Variants in DEPDC7 observed in about 807,000 individuals in gnomAD.
DEPDC7 encodes the protein DEP domain-containing protein 7.
A neutral mutation model predicts 56.6 loss-of-function variants in DEPDC7; 41 were observed. The ratio of observed to expected loss-of-function variants is 0.72; its 90% CI spans 0.56 to 0.94. DEPDC7 has a LOEUF of 0.94. DEPDC7 is among the 40% of genes least tolerant of loss of function. DEPDC7 has a pLI of 0.00. For synonymous variants in DEPDC7, 185 were observed against 208.8 expected (o/e 0.89, Z 0.98); for missense variants, 522 against 596.3 (o/e 0.88, Z 1.30).
At position 33,032,776 on chromosome 11, in the gene DEPDC7, C is replaced by A; in HGVS notation, c.1246C>A (p.Gln416Lys). Reference protein sequence around the residue: ...DLLVLFLMDHQKDVFKIPGTL... With the variant: ...DLLVLFLMDHKKDVFKIPGTL... ...TCTGGTACTCTTTTTAATGGATCAT[C>A]AGAAAGATGTTTTTAAGGTAAAATT... The change falls in exon 7 of 9, where the codon CAG becomes AAG. Residue 416 changes from glutamine to lysine, a missense_variant. By Grantham distance (53) the Gln-to-Lys change is moderately conservative. Coordinates refer to ENST00000241051, the MANE Select transcript of DEPDC7 (RefSeq NM_001077242.2). The A allele has an allele frequency of 6.3e-7, 1 of 1,596,840 alleles. No homozygotes were observed. Among genetic ancestry groups the A allele is most frequent in the Non-Finnish European group, 8.5e-7 (1 of 1,175,036 alleles).
chr11:33,018,165 T>C (rs552757320), intron 1 of DEPDC7, among the ~76,000 whole-genome samples: 1 of 152,346 alleles, frequency 6.6e-6, no homozygotes, highest in South Asian at 2.1e-4. Flanking sequence ...AAATAAACTT[T>C]GGACTACCAG....
chr11:33,016,501 C>T, intron 1 of DEPDC7: 1 of 1,613,336 alleles, frequency 6.2e-7, no homozygotes, highest in Non-Finnish European at 8.5e-7. Context: ...TGCTAGGAGT[C>T]AAGAGTCAGC....
At chr11:33,018,182 T>C (rs1853483742) in intron 1 of DEPDC7, among the ~76,000 whole-genome samples, 1 of 152,338 alleles carries the variant, frequency 6.6e-6, no homozygotes, top group African/African-American at 2.4e-5. Context: ...CCAGAACCAA[T>C]ATCCAGTAAA....
At chr11:33,022,795 G>A (rs1853536055) in intron 1 of DEPDC7, among the ~76,000 whole-genome samples, 1 of 152,080 alleles carries the variant, frequency 6.6e-6, no homozygotes, top group African/African-American at 2.4e-5. Flanking sequence ...ACTAAATACT[G>A]TACCAAGAGT....
intron 2 of DEPDC7, chr11:33,026,773 T>TTTTTCTTTTCTTTTC (rs111687548): frequency 0.025 from 3,609 of 146,662 alleles, 197 homozygotes; most frequent in African/African-American, 0.084. Context: ...TGGCTAATTT[T>TTTTTCTTTTCTTTTC]TTTTCTTTTC....
In DEPDC7 at chr11:33,032,782, G is replaced by T. The variant is rs1853646924; in HGVS notation, c.1252G>T (p.Asp418Tyr). 3 of 1,596,654 alleles carry T rather than the reference G, an allele frequency of 1.9e-6. No homozygotes were observed. The highest frequency in any genetic ancestry group is 2.2e-5 in the East Asian group (1 of 44,564). Residue 418 changes from aspartate to tyrosine, a missense_variant, in exon 7 of 9, where the codon GAT becomes TAT. Asp to Tyr is a radical substitution (Grantham distance 160). Coordinates refer to ENST00000241051, the MANE Select transcript of DEPDC7 (RefSeq NM_001077242.2). ...ACTCTTTTTAATGGATCATCAGAAA[G>T]ATGTTTTTAAGGTAAAATTGTGAAA... ...LVLFLMDHQK[D>Y]VFKIPGTLHK...
At chr11:33,016,547 G>GTT in intron 1 of DEPDC7, 1 of 1,614,202 alleles carries the variant, frequency 6.2e-7, no homozygotes, top group South Asian at 1.1e-5. Flanking sequence ...GGGATGAGAG[G>GTT]TTTATGTGAG....
chr11:33,024,279 G>A (rs146277459), intron 1 of DEPDC7, among the ~76,000 whole-genome samples: 2 of 152,280 alleles, frequency 1.3e-5, no homozygotes, highest in African/African-American at 2.4e-5. Flanking sequence ...TCTTCTGTGC[G>A]TACTCTGTCT....
chr11:33,032,653 GTTTTAT>G lies in DEPDC7; in HGVS notation c.1138-8_1138-3del, dbSNP rs1274111569. ...TAAATATATACTATTGGATATATTT[GTTTTAT>G]TTTTATAGAGTGACAACCGAATGGT... On this transcript the variant is annotated splice_polypyrimidine_tract_variant and intron_variant, in intron 6 of 8. Coordinates refer to ENST00000241051, the MANE Select transcript of DEPDC7 (RefSeq NM_001077242.2). The G allele has an allele frequency of 6.5e-7, 1 of 1,528,506 alleles. No individual in the cohort carries two copies. Among genetic ancestry groups the G allele is most frequent in the East Asian group, 2.3e-5 (1 of 44,080 alleles). The allele number at this position is 1,528,506 out of a possible 1,614,324, so 94.7% of individuals were successfully genotyped here. A position where few individuals can be genotyped will look rare whatever the true frequency, so the allele number is the denominator to read the frequency against.
At chr11:33,030,070 C>T (rs1179530590) in intron 4 of DEPDC7, among the ~76,000 whole-genome samples, 1 of 152,134 alleles carries the variant, frequency 6.6e-6, no homozygotes, top group East Asian at 1.9e-4. Context: ...AGCGATTCTT[C>T]TGCCTCAGCC....
Position 33,022,998 on chromosome 11 carries a change from G to A in DEPDC7, c.74-2661G>A, listed in dbSNP as rs532959342. ...TTGCTTATTTTGGGAGGCCTAGGTG[G>A]GTGGATCACGAGGTCAGGAGATCGA... On this transcript the variant is annotated intron_variant, in intron 1 of 8. Coordinates refer to ENST00000241051, the MANE Select transcript of DEPDC7 (RefSeq NM_001077242.2). Among the ~76,000 whole-genome samples the A allele has an allele frequency of 2.0e-5, 3 of 152,156 alleles. No homozygotes were observed. In the South Asian group the frequency reaches 6.2e-4, roughly 32 times the overall value.
intron 1 of DEPDC7, chr11:33,016,491 T>C (rs1161407723): frequency 1.9e-6 from 3 of 1,612,366 alleles, no homozygotes; most frequent in South Asian, 1.1e-5. Flanking sequence ...TTCTCCAGAC[T>C]GCTAGGAGTC....
chr11:33,027,832 A>G lies in DEPDC7; in HGVS notation c.592+19A>G. 6.6e-7 allele frequency: 1 copy of G among 1,517,090 alleles called. No individual in the cohort carries two copies. The highest frequency in any genetic ancestry group is 8.8e-7 in the Non-Finnish European group (1 of 1,140,524). The allele number at this position is 1,517,090 out of a possible 1,614,324, so 94.0% of individuals were successfully genotyped here. A position where few individuals can be genotyped will look rare whatever the true frequency, so the allele number is the denominator to read the frequency against. On this transcript the variant is annotated intron_variant, in intron 3 of 8. Transcript: ENST00000241051. ...CCACAAGGTAAGCTAAGGATGAAGC[A>G]AAGTAAGAAGTAGAAGACAAACTTC...
chr11:33,032,583 T>C, intron 6 of DEPDC7, 85 bp from the exon 7 acceptor site: 1 of 1,337,292 alleles, frequency 7.5e-7, no homozygotes, highest in Non-Finnish European at 1.0e-6. Context: ...AAATGTATAA[T>C]AGCTATTAAT....
chr11:33,027,324 C>G (rs1231339670), intron 2 of DEPDC7, among the ~76,000 whole-genome samples: 1 of 152,034 alleles, frequency 6.6e-6, no homozygotes, highest in Admixed American at 6.6e-5. Flanking sequence ...AGGTAAAGGG[C>G]TGTAGATCTG....
At chr11:33,025,614 A>G (rs1853568665) in intron 1 of DEPDC7, 45 bp from the exon 2 acceptor site, 1 of 1,552,130 alleles carries the variant, frequency 6.4e-7, no homozygotes, top group African/African-American at 1.4e-5. Context: ...TTACAAATGA[A>G]CAAGGTACTA....
intron 2 of DEPDC7, 90 bp from the exon 3 acceptor site, chr11:33,027,595 GC>G: frequency 8.2e-7 from 1 of 1,220,980 alleles, no homozygotes; most frequent in African/African-American, 1.6e-5. Flanking sequence ...GCTCTGAAAT[GC>G]ATAACTCTGT....
intron 6 of DEPDC7, 35 bp downstream of exon 6, chr11:33,032,513 T>C (rs1853643631): frequency 6.6e-7 from 1 of 1,515,854 alleles, no homozygotes; most frequent in Non-Finnish European, 8.8e-7. Context: ...TTGTATTTAA[T>C]ATCCTTAATA....
intron 1 of DEPDC7, among the ~76,000 whole-genome samples, chr11:33,016,855 C>T (rs990800952): frequency 2.6e-4 from 39 of 152,166 alleles, no homozygotes; most frequent in African/African-American, 8.4e-4. Flanking sequence ...ACTCAGATAA[C>T]CCTTGGCTTT....
Sources: gnomAD v4.1 joint callset for allele counts (sites outside exome capture counted in the v4.1 genomes callset) on GRCh38, gnomAD v4.1.1 for gene constraint, MANE v1.5 for transcripts, NCBI Gene and HGNC (gene_info 2026-07-23, HGNC 2026-07-21) for gene names.